The following RBM12B variants were observed in gnomAD, a reference collection of about 807,000 sequenced individuals.
The protein encoded by RBM12B is RNA binding motif protein 12B, also known as RNA-binding protein 12B.
Under a neutral mutation model 34.3 loss-of-function variants are expected in RBM12B, and 10 were observed. The ratio of observed to expected loss-of-function variants is 0.29; its 90% CI spans 0.18 to 0.49. The LOEUF (loss-of-function observed/expected upper bound fraction) is 0.49. RBM12B is among the 20% of genes least tolerant of loss of function. RBM12B has a pLI of 0.99. For missense variants in RBM12B, 1,139 were observed against 1,262.7 expected (o/e 0.90, Z 1.48); for synonymous variants, 477 against 437.1 (o/e 1.09, Z -1.14).
chr8:93,735,387 T>C lies in RBM12B; in HGVS notation c.1024A>G (p.Ser342Gly). The change falls in exon 4 of 4, where the codon AGT becomes GGT. Residue 342 changes from serine (S) to glycine (G), a missense_variant. By Grantham distance (56) the Ser-to-Gly change is moderately conservative. This residue lies in a region of RBM12B where 863 missense variants were observed against 869.5 expected (regional missense o/e 0.99). Coordinates refer to ENST00000520560, the MANE Select transcript of RBM12B (RefSeq NM_001377960.1). Reference sequence around the variant, plus strand: ...TATTGTAAAACAGTCTTATGTAAACTCAGAGCGGTATTATAGTCTTTCAGA... The same window carrying C: ...TATTGTAAAACAGTCTTATGTAAACCCAGAGCGGTATTATAGTCTTTCAGA... ...KTLKDYNTAL[S>G]LHKTVLQYRP... The C allele has an allele frequency of 6.2e-7, 1 of 1,613,682 alleles. No individual in the cohort carries two copies. The highest frequency in any genetic ancestry group is 8.5e-7 in the Non-Finnish European group (1 of 1,179,752).
Position 93,729,025 on chromosome 8 carries a change from C to T in RBM12B, c.*4380G>A, listed in dbSNP as rs1811680673. 6.6e-6 allele frequency: 1 copy of T among 152,036 alleles called. No homozygotes were observed. The highest frequency in any genetic ancestry group is 6.6e-5 in the Admixed American group (1 of 15,264). 9.4% of individuals were successfully genotyped at this position (152,036 alleles called of 1,614,324 possible). A position where few individuals can be genotyped will look rare whatever the true frequency, so the allele number is the denominator to read the frequency against. On this transcript the variant is annotated 3_prime_UTR_variant, in exon 4 of 4. Transcript: ENST00000520560. ...ATTAAAAATTCTATAAAAATTTTAC[C>T]AAGCTACCATATAGTTAATAAAAGG... is the stretch of plus-strand genomic sequence containing the variant.
chr8:93,734,205 G>A lies in RBM12B; in HGVS notation c.2206C>T (p.Pro736Ser), dbSNP rs1811915514. 1 of 1,591,996 alleles carries A rather than the reference G, an allele frequency of 6.3e-7. No homozygotes were observed. Among genetic ancestry groups the A allele is most frequent in the East Asian group, 2.2e-5 (1 of 44,570 alleles). Residue 736 changes from proline to serine, a missense_variant, in exon 4 of 4, where the codon CCA (proline) becomes TCA (serine). Coordinates refer to ENST00000520560, the MANE Select transcript of RBM12B (RefSeq NM_001377960.1). ...GGAGGTGGTCTCCGGAAATGCTCTG[G>A]GGGTGGCCGACGGAAATGCTCCTGA... Reference protein sequence around the residue: ...PPQEHFRRPPPEHFRRPPPEH... With the variant: ...PPQEHFRRPPSEHFRRPPPEH...
rs777641082 is a variant in RBM12B, at chr8:93,735,065, T to G, written c.1346A>C (p.Lys449Thr). ...AGCTTTCATGGCCTGTTCTTCTGAT[T>G]TAAATTTCACTAATGCTTCTCCCAG... ...VGLGEALVKF[K>T]SEEQAMKAER... Residue 449 changes from lysine (K) to threonine (T), a missense_variant, in exon 4 of 4, where the codon AAA becomes ACA. Around this residue, in one of 3 missense-constraint regions of RBM12B, gnomAD observed 863 missense variants for 869.5 expected, o/e 0.99. Coordinates refer to ENST00000520560, the MANE Select transcript of RBM12B (RefSeq NM_001377960.1). 4 of 1,614,178 alleles carry G rather than the reference T, an allele frequency of 2.5e-6. No homozygotes were observed. The Admixed American group carries it at 6.7e-5, about 27-fold the overall frequency.
In RBM12B at chr8:93,731,002, A is replaced by C. The variant is rs193194721; in HGVS notation, c.*2403T>G. ...ACAGTGAGACTCTGTCTCTACAAATAATAAAAAATTTAGCCAGACAAGGTG... is the reference window on the plus strand; with the variant it reads ...ACAGTGAGACTCTGTCTCTACAAATCATAAAAAATTTAGCCAGACAAGGTG... On this transcript the variant is annotated 3_prime_UTR_variant, in exon 4 of 4. Coordinates refer to ENST00000520560, the MANE Select transcript of RBM12B (RefSeq NM_001377960.1). 6.6e-6 allele frequency: 1 copy of C among 152,286 alleles called. No homozygotes were observed. The highest frequency in any genetic ancestry group is 1.5e-5 in the Non-Finnish European group (1 of 68,038). The allele number at this position is 152,286 out of a possible 1,614,324, so 9.4% of individuals were successfully genotyped here.
chr8:93,734,518 C>A lies in RBM12B; in HGVS notation c.1893G>T (p.Leu631=), dbSNP rs576932503. The A allele has an allele frequency of 6.2e-7, 1 of 1,612,220 alleles. No homozygotes were observed. Among genetic ancestry groups the A allele is most frequent in the South Asian group, 1.1e-5 (1 of 90,956 alleles). ...RPLEEDWRRP[L]EEDFRRSPTE... is the part of the protein sequence containing the mutation. Reference sequence around the variant, plus strand: ...TGGGAGACCGCCTGAAATCCTCCTCCAGTGGCCGCCTCCAGTCCTCCTCAA... The same window carrying A: ...TGGGAGACCGCCTGAAATCCTCCTCAAGTGGCCGCCTCCAGTCCTCCTCAA... Residue 631 remains leucine, a synonymous_variant, in exon 4 of 4, where the codon CTG becomes CTT. Coordinates refer to ENST00000520560, the MANE Select transcript of RBM12B (RefSeq NM_001377960.1).
At chr8:93,740,312 C>T (rs1586318062) in intron 2 of RBM12B, 1 of 457,236 alleles carries the variant, frequency 2.2e-6, no homozygotes, top group Non-Finnish European at 4.4e-6. Context: ...ATCGATTCTA[C>T]AGCCCAAAGC....
At position 93,733,304 on chromosome 8, in the gene RBM12B, T is replaced by C. The variant is rs964292155; in HGVS notation, c.*101A>G. 4.5e-6 allele frequency: 4 copies of C among 893,904 alleles called. No homozygotes were observed. Among genetic ancestry groups the C allele is most frequent in the East Asian group, 5.9e-5 (2 of 33,854 alleles). The allele number at this position is 893,904 out of a possible 1,614,324, so 55.4% of individuals were successfully genotyped here. On this transcript the variant is annotated 3_prime_UTR_variant, in exon 4 of 4. Coordinates refer to ENST00000520560, the MANE Select transcript of RBM12B (RefSeq NM_001377960.1). ...CTATTCACAGGTCAAAAATAAAATATTTCATTAGATAATTTAAAAAAAAAA... is the reference window on the plus strand; with the variant it reads ...CTATTCACAGGTCAAAAATAAAATACTTCATTAGATAATTTAAAAAAAAAA...
chr8:93,734,622 G>T lies in RBM12B; in HGVS notation c.1789C>A (p.Arg597Ser). 1 of 1,613,394 alleles carries T rather than the reference G, an allele frequency of 6.2e-7. No individual in the cohort carries two copies. Among genetic ancestry groups the T allele is most frequent in the South Asian group, 1.1e-5 (1 of 91,056 alleles). Residue 597 changes from arginine (R) to serine (S), a missense_variant, in exon 4 of 4, where the codon CGC becomes AGC. By Grantham distance (110) the Arg-to-Ser change is moderately radical (BLOSUM62 -1). Transcript: ENST00000520560. The stretch of plus-strand genomic sequence containing the variant: ...CGCCTGAAATCTTCCTCCCAAGGGC[G>T]CCTGAAGTCCTCCTCAGAAGGCCGC... Reference protein sequence around the residue: ...FRRPSEEDFRRPWEEDFRRPP... With the variant: ...FRRPSEEDFRSPWEEDFRRPP...
chr8:93,736,214 T>C lies in RBM12B; in HGVS notation c.197A>G (p.Asp66Gly). The C allele has an allele frequency of 1.2e-6, 2 of 1,614,188 alleles. No homozygotes were observed. The highest frequency in any genetic ancestry group is 2.2e-5 in the South Asian group (2 of 91,076). Residue 66 changes from aspartate (D) to glycine (G), a missense_variant, in exon 4 of 4, where the codon GAT becomes GGT. By Grantham distance (94) the Asp-to-Gly change is moderately conservative. Transcript: ENST00000520560. ...AISRSGGFIK[D>G]SSVELFLSSK... ...ACTAAGAAAGAGCTCTACAGATGAA[T>C]CCTTGATAAACCCTCCTGAACGACT...
rs763101273 is a variant in RBM12B at position 93,736,071 on chromosome 8, T to C, written c.340A>G (p.Lys114Glu). Residue 114 changes from lysine (K) to glutamate (E), a missense_variant, in exon 4 of 4, where the codon AAG (lysine) becomes GAG (glutamate). Coordinates refer to ENST00000520560, the MANE Select transcript of RBM12B (RefSeq NM_001377960.1). Reference protein sequence around the residue: ...DSLSNFIESVKEEASNSGYGS... With the variant: ...DSLSNFIESVEEEASNSGYGS... Reference sequence around the variant, plus strand: ...TATCCAGAATTACTTGCTTCTTCCTTAACAGACTCAATAAAATTAGACAGG... The same window carrying C: ...TATCCAGAATTACTTGCTTCTTCCTCAACAGACTCAATAAAATTAGACAGG... 6.2e-7 allele frequency: 1 copy of C among 1,614,204 alleles called. No individual in the cohort carries two copies. Among genetic ancestry groups the C allele is most frequent in the South Asian group, 1.1e-5 (1 of 91,082 alleles).
rs1462413885 is a variant in RBM12B, at chr8:93,732,596, TTAA to T, written c.*806_*808del. 3 of 152,230 alleles carry T rather than the reference TTAA, an allele frequency of 2.0e-5. No homozygotes were observed. The highest frequency in any genetic ancestry group is 7.2e-5 in the African/African-American group (3 of 41,454). The allele number at this position is 152,230 out of a possible 1,614,324, so 9.4% of individuals were successfully genotyped here. On this transcript the variant is annotated 3_prime_UTR_variant, in exon 4 of 4. Coordinates refer to ENST00000520560, the MANE Select transcript of RBM12B (RefSeq NM_001377960.1). ...TTTACTATCTTTTGCGTATCTTGTA[TTAA>T]TTTTACTTGGTTGATAAGATGTTGA...
rs1811689863 is a variant in RBM12B at position 93,729,246 on chromosome 8, G to C, written c.*4159C>G. 6.6e-6 allele frequency: 1 copy of C among 152,050 alleles called. No individual in the cohort carries two copies. Among genetic ancestry groups the C allele is most frequent in the Admixed American group, 6.5e-5 (1 of 15,276 alleles). 9.4% of individuals were successfully genotyped at this position (152,050 alleles called of 1,614,324 possible). A position where few individuals can be genotyped will look rare whatever the true frequency, so the allele number is the denominator to read the frequency against. On this transcript the variant is annotated 3_prime_UTR_variant, in exon 4 of 4. Transcript: ENST00000520560. ...CAGAAAAATAAAGACTTTCTAGAAA[G>C]CTTCTGACTTTGTCAATCATGGCTC...
rs1811912692 is a variant in RBM12B, at chr8:93,734,182, A to AGGTGGTCTCCGGAAATGCTCTGGG, written c.2205_2228dup (p.Pro776_Pro783dup). 6.4e-7 allele frequency: 1 copy of AGGTGGTCTCCGGAAATGCTCTGGG among 1,570,950 alleles called. No homozygotes were observed. The highest frequency in any genetic ancestry group is 8.6e-7 in the Non-Finnish European group (1 of 1,160,082). On this transcript the variant is annotated inframe_insertion, in exon 4 of 4. Transcript: ENST00000520560. Reference sequence around the variant, plus strand: ...GGGGAGGCCGCCTAAAATGCTCTGGAGGTGGTCTCCGGAAATGCTCTGGGG... The same window carrying AGGTGGTCTCCGGAAATGCTCTGGG: ...GGGGAGGCCGCCTAAAATGCTCTGGAGGTGGTCTCCGGAAATGCTCTGGGGGTGGTCTCCGGAAATGCTCTGGGG...
At chr8:93,737,120 T>G (rs1486929618) in intron 3 of RBM12B, among the ~76,000 whole-genome samples, 187 bp downstream of exon 3, 1 of 152,176 alleles carries the variant, frequency 6.6e-6, no homozygotes, top group Non-Finnish European at 1.5e-5. Flanking sequence ...GAAGACTGCC[T>G]GAGCCCAATT....
At position 93,734,192 on chromosome 8, in the gene RBM12B, CG is replaced by C; in HGVS notation, c.2218del (p.Arg740GlyfsTer147). 1.3e-6 allele frequency: 2 copies of C among 1,583,022 alleles called. No individual in the cohort carries two copies. Among genetic ancestry groups the C allele is most frequent in the Non-Finnish European group, 1.7e-6 (2 of 1,164,590 alleles). ...CCTAAAATGCTCTGGAGGTGGTCTCCGGAAATGCTCTGGGGGTGGCCGACGG... is the reference window on the plus strand; with the variant it reads ...CCTAAAATGCTCTGGAGGTGGTCTCCGAAATGCTCTGGGGGTGGCCGACGG... ...HFRRPPPEHF[R>X]RPPPEHFRRP... On this transcript the variant is annotated frameshift_variant, in exon 4 of 4. Coordinates refer to ENST00000520560, the MANE Select transcript of RBM12B (RefSeq NM_001377960.1). LOFTEE classifies it high-confidence loss of function.
At position 93,734,927 on chromosome 8, in the gene RBM12B, A is replaced by AT; in HGVS notation, c.1483dup (p.Met495AsnfsTer9). ...CTCACGTGACTGTGAGCGAGCTTGC[A>AT]TTTTTTCACTGGACATCACAGAAAA... On this transcript the variant is annotated frameshift_variant, in exon 4 of 4. Coordinates refer to ENST00000520560, the MANE Select transcript of RBM12B (RefSeq NM_001377960.1). LOFTEE classifies it low-confidence loss of function (END_TRUNC). The AT allele has an allele frequency of 6.2e-7, 1 of 1,613,948 alleles. No individual in the cohort carries two copies. Among genetic ancestry groups the AT allele is most frequent in the Non-Finnish European group, 8.5e-7 (1 of 1,179,984 alleles).
Position 93,728,531 on chromosome 8 carries a change from TA to T in RBM12B, c.*4873del. On this transcript the variant is annotated 3_prime_UTR_variant, in exon 4 of 4. Coordinates refer to ENST00000520560, the MANE Select transcript of RBM12B (RefSeq NM_001377960.1). ...ATTTTTGTGTAAGTGCCTTTTTTTT[TA>T]AAGATGGTGTATTTCAAAGTATTTC... The T allele has an allele frequency of 5.8e-6, 2 of 346,432 alleles. No individual in the cohort carries two copies. Among genetic ancestry groups the T allele is most frequent in the Non-Finnish European group, 1.0e-5 (2 of 192,080 alleles). 21.5% of individuals were successfully genotyped at this position (346,432 alleles called of 1,614,324 possible). A position where few individuals can be genotyped will look rare whatever the true frequency, so the allele number is the denominator to read the frequency against.
rs756136519 is a variant in RBM12B, at chr8:93,736,110, A to G, written c.301T>C (p.Ser101Pro). ...VGRGRPGSGTSGVDSLSNFIE... is the reference protein window; with the variant it reads ...VGRGRPGSGTPGVDSLSNFIE... ...AAATTAGACAGGCTGTCAACCCCTG[A>G]TGTCCCAGATCCTGGACGCCCTCTT... Residue 101 changes from serine to proline, a missense_variant, in exon 4 of 4, where the codon TCA becomes CCA. By Grantham distance (74) the Ser-to-Pro change is moderately conservative. Transcript: ENST00000520560. 1 of 1,614,196 alleles carries G rather than the reference A, an allele frequency of 6.2e-7. No individual in the cohort carries two copies. Among genetic ancestry groups the G allele is most frequent in the South Asian group, 1.1e-5 (1 of 91,084 alleles).
chr8:93,735,936 G>T lies in RBM12B; in HGVS notation c.475C>A (p.Leu159Ile). 6.2e-7 allele frequency: 1 copy of T among 1,614,172 alleles called. No individual in the cohort carries two copies. The highest frequency in any genetic ancestry group is 2.2e-5 in the East Asian group (1 of 44,892). Residue 159 changes from leucine to isoleucine, a missense_variant, in exon 4 of 4, where the codon CTA (leucine) becomes ATA (isoleucine). Leu to Ile is a conservative substitution (Grantham distance 5, BLOSUM62 2). This residue lies in a region of RBM12B where 216 missense variants were observed against 292.2 expected (regional missense o/e 0.74). Transcript: ENST00000520560. ...PLKAENPYLF[L>I]RGLPYLVNED... ...TTTACTAGGTAAGGCAAACCTCGTA[G>T]AAACAAGTAAGGATTCTCGGCCTTC...
Sources: allele counts gnomAD v4.1 joint callset (sites outside exome capture counted in the v4.1 genomes callset), GRCh38; gene constraint gnomAD v4.1.1; regional missense constraint gnomAD v4.1.1; transcripts MANE v1.5; gene names NCBI Gene and HGNC (gene_info 2026-07-23, HGNC 2026-07-21).